ADCY2: variants seen among roughly 807,000 people sequenced by gnomAD.
ADCY2 encodes adenylate cyclase type 2.
ADCY2 carries 31 observed loss-of-function variants against 125.2 expected under a neutral mutation model. That is an observed-to-expected ratio of 0.25 (90% CI 0.19 to 0.33). The LOEUF is 0.33. ADCY2 is among the 10% of genes least tolerant of loss of function. The pLI, the probability that ADCY2 is intolerant of heterozygous loss-of-function variation, is 1.00. For missense variants in ADCY2, 904 were observed against 1,418.2 expected (o/e 0.64, Z 5.82); for synonymous variants, 512 against 548.4 (o/e 0.93, Z 0.93).
At chr5:7,474,137 G>A (rs1301207244) in intron 2 of ADCY2, among the ~76,000 whole-genome samples, 1 of 152,188 alleles carries the variant, frequency 6.6e-6, no homozygotes, top group Non-Finnish European at 1.5e-5. Flanking sequence ...TGATAGGCTT[G>A]GAGCAATGCT....
chr5:7,807,601 C>T (rs147346743), intron 22 of ADCY2, among the ~76,000 whole-genome samples: 158 of 152,296 alleles, frequency 1.0e-3, no homozygotes, highest in African/African-American at 3.6e-3. Context: ...TCTTCTCTAT[C>T]AGGGACCTCT....
intron 15 of ADCY2, among the ~76,000 whole-genome samples, chr5:7,747,712 A>G (rs1742672938): frequency 6.6e-6 from 1 of 152,150 alleles, no homozygotes; most frequent in Admixed American, 6.5e-5. Flanking sequence ...CCGCCTTTGC[A>G]CCACCAACTC....
At chr5:7,672,123 C>A (rs1249968996) in intron 4 of ADCY2, among the ~76,000 whole-genome samples, 1 of 152,144 alleles carries the variant, frequency 6.6e-6, no homozygotes, top group African/African-American at 2.4e-5. Context: ...GGGATTTGAT[C>A]CAGACTCTTG....
At chr5:7,475,224 C>T (rs1046660880) in intron 2 of ADCY2, among the ~76,000 whole-genome samples, 7 of 152,130 alleles carry the variant, frequency 4.6e-5, no homozygotes, top group African/African-American at 1.7e-4. Flanking sequence ...CGAAGAAGAT[C>T]AGAGGTAAAG....
intron 4 of ADCY2, among the ~76,000 whole-genome samples, chr5:7,684,563 A>T (rs1418449549): frequency 6.6e-6 from 1 of 152,240 alleles, no homozygotes; most frequent in East Asian, 1.9e-4. Context: ...CTAACTGAAG[A>T]GTCATCGCAT....
intron 17 of ADCY2, among the ~76,000 whole-genome samples, chr5:7,767,893 TGGTGGCAGGTGCC>T (rs1743438903): frequency 6.6e-6 from 1 of 152,138 alleles, no homozygotes; most frequent in Non-Finnish European, 1.5e-5. Context: ...TAGCCGGATG[TGGTGGCAGGTGCC>T]TATAGTCCCA....
chr5:7,787,520 T>C (rs1267105590), intron 19 of ADCY2, among the ~76,000 whole-genome samples: 1 of 152,192 alleles, frequency 6.6e-6, no homozygotes, highest in Non-Finnish European at 1.5e-5. Flanking sequence ...TGCATTCCAT[T>C]TGATTGGGGA....
intron 3 of ADCY2, among the ~76,000 whole-genome samples, chr5:7,598,248 A>T (rs145329453): frequency 0.016 from 2,417 of 152,264 alleles, 58 homozygotes; most frequent in African/African-American, 0.055. Context: ...GGGAGCAAGG[A>T]GGAGGGCAAA....
At chr5:7,665,936 T>G (rs1739702322) in intron 4 of ADCY2, among the ~76,000 whole-genome samples, 1 of 143,530 alleles carries the variant, frequency 7.0e-6, no homozygotes, top group Non-Finnish European at 1.5e-5. Flanking sequence ...CCTCCCGGGT[T>G]CACGCCATTC....
chr5:7,804,069 A>AGAGAGAGAGAGAGC lies in ADCY2; in HGVS notation c.2776-511_2776-510insAGAGAGAGCGAGAG, dbSNP rs1553990875. 6.9e-3 allele frequency among the ~76,000 whole-genome samples: 972 copies of AGAGAGAGAGAGAGC among 140,442 alleles called. 14 individuals carry two copies. The highest frequency in any genetic ancestry group is 0.023 in the East Asian group (113 of 4,846). 92.1% of individuals were successfully genotyped at this position (140,442 alleles called of 152,430 possible). ...GAGAGAGAGAGAGAGAGAGAGAGAG[A>AGAGAGAGAGAGAGC]GAGAGCTGGTTTCTCTTCCTAATAC... On this transcript the variant is annotated intron_variant, in intron 21 of 24. Coordinates refer to ENST00000338316, the MANE Select transcript of ADCY2 (RefSeq NM_020546.3).
chr5:7,493,700 A>C (rs569476758), intron 2 of ADCY2, among the ~76,000 whole-genome samples: 7 of 152,284 alleles, frequency 4.6e-5, no homozygotes, highest in African/African-American at 1.2e-4. Flanking sequence ...ATAGGACCAC[A>C]CATAGAAAGT....
intron 23 of ADCY2, among the ~76,000 whole-genome samples, chr5:7,817,351 T>C (rs927492147): frequency 2.0e-5 from 3 of 152,138 alleles, no homozygotes; most frequent in African/African-American, 7.2e-5. Flanking sequence ...ATTTCAGAGA[T>C]GTAAAAATAT....
Position 7,484,458 on chromosome 5 carries a change from G to A in ADCY2, c.409-36280G>A, listed in dbSNP as rs185869648. On this transcript the variant is annotated intron_variant, in intron 2 of 24. Transcript: ENST00000338316. Reference sequence around the variant, plus strand: ...AGCCTTGAATGAATGGAGCACTGCTGCAGAGAGACCCAAGCTCCATTAGCC... The same window carrying A: ...AGCCTTGAATGAATGGAGCACTGCTACAGAGAGACCCAAGCTCCATTAGCC... Among the ~76,000 whole-genome samples the A allele has an allele frequency of 1.8e-3, 279 of 152,316 alleles. 1 individual carries two copies. The highest frequency in any genetic ancestry group is 6.5e-3 in the Admixed American group (100 of 15,302).
At chr5:7,622,903 G>A (rs949221734) in intron 3 of ADCY2, among the ~76,000 whole-genome samples, 3 of 152,200 alleles carry the variant, frequency 2.0e-5, no homozygotes, top group Non-Finnish European at 2.9e-5. Context: ...CTGCCCCAGC[G>A]TGGGGGAAGA....
In ADCY2 at chr5:7,828,594, A is replaced by C. The variant is rs1745557624; in HGVS notation, c.*1723A>C. ...CCGAAGTGTGAGTAGAGCATGACTT[A>C]TTTAGTATTCTGCCTCAATGGGGAA... On this transcript the variant is annotated 3_prime_UTR_variant, in exon 25 of 25. Transcript: ENST00000338316. The C allele has an allele frequency of 6.6e-6, 1 of 152,334 alleles. No individual in the cohort carries two copies. The highest frequency in any genetic ancestry group is 2.1e-4 in the South Asian group (1 of 4,834). 9.4% of individuals were successfully genotyped at this position (152,334 alleles called of 1,614,324 possible).
At chr5:7,724,900 C>T (rs550087976) in intron 13 of ADCY2, among the ~76,000 whole-genome samples, 66 of 152,220 alleles carry the variant, frequency 4.3e-4, no homozygotes, top group South Asian at 1.2e-3. Flanking sequence ...TGGGAGATAT[C>T]TACTCTTCTC....
At chr5:7,554,948 T>C (rs1279646194) in intron 3 of ADCY2, among the ~76,000 whole-genome samples, 1 of 152,188 alleles carries the variant, frequency 6.6e-6, no homozygotes, top group African/African-American at 2.4e-5. Context: ...CCAGGTGTCA[T>C]CCAGAATGTA....
intron 4 of ADCY2, among the ~76,000 whole-genome samples, chr5:7,644,452 T>C (rs1738825044): frequency 6.6e-6 from 1 of 152,134 alleles, no homozygotes; most frequent in Non-Finnish European, 1.5e-5. Context: ...TCTCTAGGAC[T>C]CTGCACAGGG....
In ADCY2 at chr5:7,616,261, T is replaced by TCAC. The variant is rs143408757; in HGVS notation, c.571-9903_571-9901dup. Among the ~76,000 whole-genome samples, 1,201 of 152,304 alleles carry TCAC rather than the reference T, an allele frequency of 7.9e-3. 16 individuals carry two copies. Among genetic ancestry groups the TCAC allele is most frequent in the African/African-American group, 0.027 (1,132 of 41,550 alleles). ...GTATAATAATGTCAGAAGAAGTTTA[T>TCAC]CACCAGTCTTCCTTCAATCACAAGC... On this transcript the variant is annotated intron_variant, in intron 3 of 24. Transcript: ENST00000338316.
Sources: gnomAD v4.1 joint callset for allele counts (sites outside exome capture counted in the v4.1 genomes callset) on GRCh38, gnomAD v4.1.1 for gene constraint, MANE v1.5 for transcripts, NCBI Gene and HGNC (gene_info 2026-07-23, HGNC 2026-07-21) for gene names.